Variants in ECE1 observed in about 807,000 individuals in gnomAD.
ECE1 encodes endothelin converting enzyme 1.
Under a neutral mutation model 98.6 loss-of-function variants are expected in ECE1, and 35 were observed. The ratio of observed to expected loss-of-function variants is 0.35; its 90% CI spans 0.27 to 0.47. ECE1 has a LOEUF of 0.47. ECE1 is among the 20% of genes least tolerant of loss of function. The pLI is 1.00. For synonymous variants in ECE1, 394 were observed against 407.1 expected (o/e 0.97, Z 0.39); for missense variants, 814 against 1,025.3 (o/e 0.79, Z 2.81).
In ECE1 at chr1:21,258,317, A is replaced by G. The variant is rs574114863; in HGVS notation, c.762+376T>C. Among the ~76,000 whole-genome samples the G allele has an allele frequency of 6.6e-6, 1 of 152,294 alleles. No homozygotes were observed. The highest frequency in any genetic ancestry group is 1.9e-4 in the East Asian group (1 of 5,176). Reference sequence around the variant, plus strand: ...TGCTGGAGCTCCCCTGGGCAGGCTGAGCCTCTGTCTGGGGCATGCTCTGAC... The same window carrying G: ...TGCTGGAGCTCCCCTGGGCAGGCTGGGCCTCTGTCTGGGGCATGCTCTGAC... On this transcript the variant is annotated intron_variant, in intron 6 of 18. Transcript: ENST00000374893. This position sits in a 1 kb window ranked among gnomAD's most constrained non-coding sequence, Gnocchi z 4.2.
At chr1:21,314,716 C>T (rs115071814) in intron 1 of ECE1, among the ~76,000 whole-genome samples, 3 of 152,268 alleles carry the variant, frequency 2.0e-5, no homozygotes, top group East Asian at 1.9e-4. Flanking sequence ...AAGACCCCAA[C>T]GCCACTGATT....
At chr1:21,263,513 C>T (rs1471309816) in intron 4 of ECE1, among the ~76,000 whole-genome samples, 2 of 152,078 alleles carry the variant, frequency 1.3e-5, no homozygotes, top group African/African-American at 4.8e-5. Context: ...TGTACCACCA[C>T]GCCTGGCTAA....
rs552907027 is a variant in ECE1, at chr1:21,299,049, C to T, written c.4-8893G>A. On this transcript the variant is annotated intron_variant, in intron 1 of 18. Transcript: ENST00000415912. Reference sequence around the variant, plus strand: ...GAAGTCCCAATCTGAAGAGACCAAGCGCTCTCTGACAATGTGCTGATCTAA... The same window carrying T: ...GAAGTCCCAATCTGAAGAGACCAAGTGCTCTCTGACAATGTGCTGATCTAA... The T allele has an allele frequency of 8.9e-5, 32 of 359,202 alleles. 1 individual carries two copies. The highest frequency in any genetic ancestry group is 5.1e-4 in the South Asian group (25 of 49,154). The allele number at this position is 359,202 out of a possible 1,614,324, so 22.3% of individuals were successfully genotyped here. A position where few individuals can be genotyped will look rare whatever the true frequency, so the allele number is the denominator to read the frequency against.
chr1:21,280,418 T>A (rs28367934), intron 2 of ECE1, among the ~76,000 whole-genome samples: 1 of 151,852 alleles, frequency 6.6e-6, no homozygotes, highest in Non-Finnish European at 1.5e-5. Flanking sequence ...CTGGAACGGG[T>A]GATGTCTGGC....
At chr1:21,323,683 G>A (rs1205715664) in intron 1 of ECE1, among the ~76,000 whole-genome samples, 1 of 151,866 alleles carries the variant, frequency 6.6e-6, no homozygotes, top group Non-Finnish European at 1.5e-5. Flanking sequence ...TTGCCTTCAT[G>A]AAACTTATAT....
At chr1:21,335,321 G>A (rs1050409604) in intron 1 of ECE1, among the ~76,000 whole-genome samples, 1 of 152,078 alleles carries the variant, frequency 6.6e-6, no homozygotes, top group Non-Finnish European at 1.5e-5. Flanking sequence ...TTCTTCTCTC[G>A]GAGCGATCCT....
chr1:21,281,931 G>A (rs887495795), intron 2 of ECE1, among the ~76,000 whole-genome samples: 4 of 152,112 alleles, frequency 2.6e-5, no homozygotes, highest in Admixed American at 1.3e-4. Flanking sequence ...TCCTAACATC[G>A]TGATCCACCC....
At chr1:21,331,263 C>T (rs191102824) in intron 1 of ECE1, among the ~76,000 whole-genome samples, 94 of 151,984 alleles carry the variant, frequency 6.2e-4, no homozygotes, top group African/African-American at 2.1e-3. Flanking sequence ...ATTAGCCGGG[C>T]GTGGTGGTGC....
At chr1:21,277,351 A>G (rs2098248621) in intron 3 of ECE1, among the ~76,000 whole-genome samples, 1 of 152,224 alleles carries the variant, frequency 6.6e-6, no homozygotes, top group Admixed American at 6.5e-5. Context: ...TTTCTGGTGA[A>G]GACATATCTT....
rs1302001257 is a variant in ECE1, at chr1:21,227,954, T to C, written c.1758A>G (p.Pro586=). 2.6e-6 allele frequency: 4 copies of C among 1,554,494 alleles called. No individual in the cohort carries two copies. In the African/African-American group the frequency reaches 4.1e-5, roughly 16 times the overall value. ...ACTTGGGTGAGGAGCGTGTGTAGAA[T>C]GGTGCCTGCAGGATCCCGGCCGGAA... ...IVFPAGILQA[P]FYTRSSPKAL... is the part of the protein sequence containing the mutation. The change falls in exon 15 of 19, where the codon CCA becomes CCG. Residue 586 remains proline, a synonymous_variant. Coordinates refer to ENST00000374893, the MANE Select transcript of ECE1 (RefSeq NM_001397.3).
intron 1 of ECE1, among the ~76,000 whole-genome samples, chr1:21,317,788 C>T (rs1375739785): frequency 6.6e-6 from 1 of 152,178 alleles, no homozygotes; most frequent in Non-Finnish European, 1.5e-5. Flanking sequence ...TGGAGACGCA[C>T]GAGTGGGTCA....
chr1:21,272,576 G>A, intron 4 of ECE1, 123 bp downstream of exon 4: 1 of 1,197,354 alleles, frequency 8.4e-7, no homozygotes, highest in Non-Finnish European at 1.2e-6. Flanking sequence ...ACAGGTGTGA[G>A]CCACCGTGCC....
At chr1:21,276,325 C>T (rs2098247149) in intron 3 of ECE1, among the ~76,000 whole-genome samples, 1 of 152,158 alleles carries the variant, frequency 6.6e-6, no homozygotes, top group South Asian at 2.1e-4. Flanking sequence ...TGCGCCCGGC[C>T]TCAATACGTG....
In ECE1 at chr1:21,260,442, G is replaced by C. The variant is rs369420197; in HGVS notation, c.494-50C>G. 2.2e-5 allele frequency: 36 copies of C among 1,610,844 alleles called. No homozygotes were observed. The African/African-American group carries it at 3.2e-4, about 14-fold the overall frequency. ...GCAATGCGGCCCCACTTGCCCACTG[G>C]GTGGCTTTGGGGCAGTCCCTCTTTT... On this transcript the variant is annotated intron_variant, in intron 4 of 18. Transcript: ENST00000374893. This position sits in a 1 kb window ranked among gnomAD's most constrained non-coding sequence, Gnocchi z 4.3.
In ECE1 at chr1:21,307,831, C is replaced by A. The variant is rs1157647169; in HGVS notation, c.4-17675G>T. Among the ~76,000 whole-genome samples, 2 of 152,020 alleles carry A rather than the reference C, an allele frequency of 1.3e-5. No homozygotes were observed. The highest frequency in any genetic ancestry group is 2.9e-5 in the Non-Finnish European group (2 of 67,980). Reference sequence around the variant, plus strand: ...GCCAGGCACAGGAAAGAGGCCCTGCCCCCTTGAGAGGGAGGCCCTGCCCCC... The same window carrying A: ...GCCAGGCACAGGAAAGAGGCCCTGCACCCTTGAGAGGGAGGCCCTGCCCCC... On this transcript the variant is annotated intron_variant, in intron 1 of 18. Coordinates refer to the ECE1 transcript ENST00000415912. The surrounding 1 kb of genome is among the most constrained non-coding windows in gnomAD (Gnocchi z 4.2).
intron 1 of ECE1, among the ~76,000 whole-genome samples, chr1:21,314,636 G>C (rs1347174858): frequency 1.3e-5 from 2 of 152,196 alleles, no homozygotes; most frequent in East Asian, 3.9e-4. Context: ...ATCTTCCTTT[G>C]TCATCTAAAT....
In ECE1 at chr1:21,245,227, C is replaced by T. The variant is rs1038578751; in HGVS notation, c.1164-124G>A. 43 of 799,344 alleles carry T rather than the reference C, an allele frequency of 5.4e-5. 1 individual carries two copies. In the Middle Eastern group the frequency reaches 1.3e-3, roughly 25 times the overall value. 49.5% of individuals were successfully genotyped at this position (799,344 alleles called of 1,614,324 possible). On this transcript the variant is annotated intron_variant, in intron 9 of 18. Coordinates refer to ENST00000374893, the MANE Select transcript of ECE1 (RefSeq NM_001397.3). ...GTGACCCCAGGCCCCTTCCAGCCTG[C>T]GGGGGCTTGGTGGGTTACTGCTCCC... is the stretch of plus-strand genomic sequence containing the variant.
At chr1:21,292,037 T>C (rs1358130806), upstream of ECE1, among the ~76,000 whole-genome samples, 1 of 151,704 alleles carries the variant, frequency 6.6e-6, no homozygotes, top group African/African-American at 2.4e-5. Context: ...GCGCCTGTAG[T>C]CCCAGCTACT....
chr1:21,312,445 A>T (rs1638749274), intron 1 of ECE1, among the ~76,000 whole-genome samples: 1 of 150,328 alleles, frequency 6.7e-6, no homozygotes, highest in African/African-American at 2.5e-5. Flanking sequence ...TCTCAAAAAA[A>T]TAATTTTAAA....
Sources: allele counts gnomAD v4.1 joint callset (sites outside exome capture counted in the v4.1 genomes callset), GRCh38; gene constraint gnomAD v4.1.1; non-coding constraint Gnocchi (gnomAD v3.1); transcripts MANE v1.5; gene names NCBI Gene and HGNC (gene_info 2026-07-23, HGNC 2026-07-21).